PRR16: variants seen among roughly 807,000 people sequenced by gnomAD.
PRR16 encodes the protein protein Largen.
A neutral mutation model predicts 18.2 loss-of-function variants in PRR16; 6 were observed. That is an observed-to-expected ratio of 0.33 (90% CI 0.18 to 0.65). The LOEUF is 0.65. Among genes scored for constraint, PRR16 ranks in the 30% least tolerant of loss-of-function variants. The pLI, the probability that PRR16 is intolerant of heterozygous loss-of-function variation, is 0.74. For synonymous variants in PRR16, 151 were observed against 147.8 expected, an observed-to-expected ratio of 1.02 and a Z score of -0.16; for missense variants, 412 against 376.6, an observed-to-expected ratio of 1.09 and a Z score of -0.78.
At chr5:120,734,388 T>C in the PRR16 span, among the ~76,000 whole-genome samples, 5 of 152,164 alleles carry the variant, frequency 3.3e-5, no homozygotes, top group Non-Finnish European at 5.9e-5. Flanking sequence ...CGTTACAGTT[T>C]TTCTCATTTA....
chr5:120,501,783 T>C lies in PRR16; in HGVS notation c.159+37138T>C, dbSNP rs112534277. Among the ~76,000 whole-genome samples the C allele has an allele frequency of 4.3e-3, 646 of 151,570 alleles. 2 individuals carry two copies. Among genetic ancestry groups the C allele is most frequent in the Non-Finnish European group, 7.0e-3 (476 of 67,810 alleles). On this transcript the variant is annotated intron_variant, in intron 1 of 1. Transcript: ENST00000407149. ...CATCCTGGCTACCACAGTGAAACCCTGTCTCAACTAAAAATACAAAAAATT... is the reference window on the plus strand; with the variant it reads ...CATCCTGGCTACCACAGTGAAACCCCGTCTCAACTAAAAATACAAAAAATT...
In PRR16 at chr5:120,493,642, A is replaced by C. The variant is rs146795808; in HGVS notation, c.159+28997A>C. On this transcript the variant is annotated intron_variant, in intron 1 of 1. Transcript: ENST00000407149. ...AGTTACAGAACAGCACCATTGCCACAAGGATCTCTCCTATTGCCCTTTTAC... is the reference window on the plus strand; with the variant it reads ...AGTTACAGAACAGCACCATTGCCACCAGGATCTCTCCTATTGCCCTTTTAC... Among the ~76,000 whole-genome samples, 6 of 152,260 alleles carry C rather than the reference A, an allele frequency of 3.9e-5. No individual in the cohort carries two copies. In the East Asian group the frequency reaches 1.2e-3, roughly 29 times the overall value.
At chr5:120,672,122 C>T (rs897372395) in intron 1 of PRR16, among the ~76,000 whole-genome samples, 8 of 152,098 alleles carry the variant, frequency 5.3e-5, no homozygotes, top group African/African-American at 1.9e-4. Flanking sequence ...CCAAGTGGCA[C>T]AAGGTGTGAA....
chr5:120,668,598 G>C (rs1756480119), intron 1 of PRR16, among the ~76,000 whole-genome samples: 1 of 152,156 alleles, frequency 6.6e-6, no homozygotes, highest in African/African-American at 2.4e-5. Context: ...GGTACCGGTT[G>C]TTCCTTTCCA....
the PRR16 span, among the ~76,000 whole-genome samples, chr5:120,766,344 CTTAATAAAG>C: frequency 3.3e-5 from 5 of 151,874 alleles, no homozygotes; most frequent in South Asian, 8.3e-4. Flanking sequence ...TTTTCTTTTT[CTTAATAAAG>C]TTAAGCATTA....
chr5:120,738,568 T>C, the PRR16 span, among the ~76,000 whole-genome samples: 2 of 152,180 alleles, frequency 1.3e-5, no homozygotes, highest in African/African-American at 4.8e-5. Context: ...TTTTTGCATG[T>C]GTTACAAAGC....
the PRR16 span, among the ~76,000 whole-genome samples, chr5:120,766,477 C>G: frequency 3.3e-5 from 5 of 151,894 alleles, no homozygotes; most frequent in South Asian, 1.0e-3. Context: ...TTTTGACACA[C>G]TCAGTACTAG....
intron 1 of PRR16, among the ~76,000 whole-genome samples, chr5:120,648,984 A>T (rs1204575952): frequency 6.6e-6 from 1 of 152,146 alleles, no homozygotes; most frequent in African/African-American, 2.4e-5. Flanking sequence ...ACACGTTTTG[A>T]ATGGTTATTG....
At chr5:120,526,774 G>A (rs1398433891) in intron 1 of PRR16, among the ~76,000 whole-genome samples, 1 of 152,150 alleles carries the variant, frequency 6.6e-6, no homozygotes. Flanking sequence ...CCAGCATTCT[G>A]AGACTGTATC....
chr5:120,760,308 T>C, the PRR16 span, among the ~76,000 whole-genome samples: 1 of 152,104 alleles, frequency 6.6e-6, no homozygotes, highest in Admixed American at 6.6e-5. Flanking sequence ...TGGTGACATA[T>C]AGAAATAATG....
At chr5:120,691,719 C>T (rs1401190334), downstream of PRR16, among the ~76,000 whole-genome samples, 2 of 151,986 alleles carry the variant, frequency 1.3e-5, no homozygotes, top group African/African-American at 2.4e-5. Context: ...ATATGATTTC[C>T]CTCTATTTCA....
chr5:120,771,024 A>G, the PRR16 span, among the ~76,000 whole-genome samples: 1 of 137,826 alleles, frequency 7.3e-6, no homozygotes, highest in African/African-American at 2.6e-5. Context: ...GGATTTGAGA[A>G]TTCTTTAATT....
the PRR16 span, among the ~76,000 whole-genome samples, chr5:120,730,191 G>T: frequency 0.023 from 3,441 of 152,220 alleles, 143 homozygotes; most frequent in African/African-American, 0.078. Flanking sequence ...TTTGGTGTAG[G>T]AGAATGGTAT....
chr5:120,647,031 T>A (rs1051787254), intron 1 of PRR16, among the ~76,000 whole-genome samples: 1 of 151,964 alleles, frequency 6.6e-6, no homozygotes, highest in South Asian at 2.1e-4. Context: ...TTAAAAAATG[T>A]TTAATATTAG....
intron 1 of PRR16, among the ~76,000 whole-genome samples, chr5:120,614,687 C>G (rs1013747120): frequency 1.3e-5 from 2 of 152,184 alleles, no homozygotes; most frequent in African/African-American, 4.8e-5. Context: ...AATAAGTTCA[C>G]AAGTTATGGC....
chr5:120,764,690 A>T, the PRR16 span, among the ~76,000 whole-genome samples: 1 of 146,240 alleles, frequency 6.8e-6, no homozygotes, highest in Non-Finnish European at 1.5e-5. Flanking sequence ...CAAAGAAGTC[A>T]AAGAAGTGTA....
intron 1 of PRR16, among the ~76,000 whole-genome samples, chr5:120,591,117 A>G (rs1419709389): frequency 1.3e-5 from 2 of 151,946 alleles, no homozygotes; most frequent in African/African-American, 4.8e-5. Context: ...GTCTCTACTA[A>G]AAATGCAAAA....
At chr5:120,702,097 AAGAG>A in the PRR16 span, among the ~76,000 whole-genome samples, 3 of 151,910 alleles carry the variant, frequency 2.0e-5, no homozygotes, top group African/African-American at 7.3e-5. Flanking sequence ...GCCTAGAGAA[AAGAG>A]AGAGCAGAGA....
At chr5:120,722,923 A>T in the PRR16 span, among the ~76,000 whole-genome samples, 3 of 151,476 alleles carry the variant, frequency 2.0e-5, no homozygotes, top group Non-Finnish European at 4.4e-5. Context: ...ATCTATCTCT[A>T]TATTTACATC....
Sources: allele counts gnomAD v4.1 joint callset (sites outside exome capture counted in the v4.1 genomes callset), GRCh38; gene constraint gnomAD v4.1.1; transcripts MANE v1.5; gene names NCBI Gene and HGNC (gene_info 2026-07-23, HGNC 2026-07-21).